The following TBC1D32 variants were observed in gnomAD, a reference collection of about 807,000 sequenced individuals.
The protein encoded by TBC1D32 is TBC1 domain family member 32, also known as protein broad-minded.
In TBC1D32, 151 loss-of-function variants were observed where a neutral mutation model predicts 170.3. That is an observed-to-expected ratio of 0.89 (90% CI 0.78 to 1.01). The LOEUF (loss-of-function observed/expected upper bound fraction) is 1.01, where lower values mean the gene tolerates loss of function less well. Among genes scored for constraint, TBC1D32 ranks in the 50% least tolerant of loss-of-function variants. TBC1D32 has a pLI of 0.00. For missense variants in TBC1D32, 1,464 were observed against 1,457.1 expected, an observed-to-expected ratio of 1.00 and a Z score of -0.08; for synonymous variants, 498 against 488.0, an observed-to-expected ratio of 1.02 and a Z score of -0.27.
chr6:121,224,781 A>AAT (rs151198905), intron 20 of TBC1D32, among the ~76,000 whole-genome samples: 2,108 of 152,192 alleles, frequency 0.014, 42 homozygotes, highest in African/African-American at 0.047. Flanking sequence ...CTACATAATG[A>AAT]ATATATTTAA....
At chr6:121,179,405 A>G (rs1235386940) in intron 22 of TBC1D32, among the ~76,000 whole-genome samples, 2 of 151,732 alleles carry the variant, frequency 1.3e-5, no homozygotes, top group African/African-American at 4.8e-5. Context: ...ACCAGCAATA[A>G]CCAATGAAGC....
intron 22 of TBC1D32, among the ~76,000 whole-genome samples, chr6:121,197,025 C>G (rs1790821363): frequency 6.6e-6 from 1 of 152,148 alleles, no homozygotes; most frequent in Non-Finnish European, 1.5e-5. Flanking sequence ...AACAATGATT[C>G]CATTAAACTG....
intron 22 of TBC1D32, chr6:121,170,445 C>T (rs1470108894): frequency 1.9e-6 from 3 of 1,606,612 alleles, no homozygotes; most frequent in Non-Finnish European, 2.5e-6. Flanking sequence ...TCTTCTTGAG[C>T]ATTTAGTAAC....
chr6:121,279,134 A>G lies in TBC1D32; in HGVS notation c.1720T>C (p.Ser574Pro), dbSNP rs1490213828. The change falls in exon 15 of 32, where the codon TCT (serine) becomes CCT (proline). Residue 574 changes from serine (S) to proline (P), a missense_variant. Transcript: ENST00000398212. ...ILLLYGANMN[S>P]SEESPTGAHI... is the part of the protein sequence containing the mutation. ...AATAGCACATACCTTTCTTCAGAAG[A>G]GTTCATATTTGCTCCATAAAGGAGT... 1.9e-6 allele frequency: 3 copies of G among 1,597,540 alleles called. No homozygotes were observed. The African/African-American group carries it at 4.1e-5, about 22-fold the overall frequency.
At chr6:121,142,561 G>A (rs1006360696) in intron 24 of TBC1D32, among the ~76,000 whole-genome samples, 5 of 152,180 alleles carry the variant, frequency 3.3e-5, no homozygotes, top group Non-Finnish European at 7.3e-5. Context: ...GTATTTTTAA[G>A]TAATAAAATG....
chr6:121,302,742 A>G (rs1806683605), intron 9 of TBC1D32, among the ~76,000 whole-genome samples: 1 of 152,170 alleles, frequency 6.6e-6, no homozygotes, highest in Non-Finnish European at 1.5e-5. Context: ...AGATGTAAGG[A>G]ACAAAGGGTT....
chr6:121,260,273 T>C (rs964307351), intron 15 of TBC1D32, among the ~76,000 whole-genome samples: 2 of 151,708 alleles, frequency 1.3e-5, no homozygotes, highest in Non-Finnish European at 2.9e-5. Flanking sequence ...GAAAGCAATT[T>C]AGAAGGAAAA....
At chr6:121,289,615 C>T (rs1387505433) in intron 12 of TBC1D32, among the ~76,000 whole-genome samples, 2 of 152,164 alleles carry the variant, frequency 1.3e-5, no homozygotes, top group Non-Finnish European at 2.9e-5. Context: ...ATTAAGCTAC[C>T]AATGACTTTC....
intron 1 of TBC1D32, among the ~76,000 whole-genome samples, chr6:121,323,451 C>T (rs1810027466): frequency 6.6e-6 from 1 of 152,182 alleles, no homozygotes; most frequent in Non-Finnish European, 1.5e-5. Context: ...GTCATGCATG[C>T]ACATAATGCC....
chr6:121,195,631 C>A (rs373824119), intron 22 of TBC1D32, among the ~76,000 whole-genome samples: 1 of 152,154 alleles, frequency 6.6e-6, no homozygotes, highest in East Asian at 1.9e-4. Flanking sequence ...GACTCAAATG[C>A]CCTTAATTTC....
At chr6:121,233,801 T>C (rs1263004329) in intron 20 of TBC1D32, among the ~76,000 whole-genome samples, 1 of 152,170 alleles carries the variant, frequency 6.6e-6, no homozygotes, top group Admixed American at 6.5e-5. Flanking sequence ...TTTTGTTAGA[T>C]AGGTGCTGTG....
chr6:121,159,698 T>C (rs1272261397), intron 24 of TBC1D32, among the ~76,000 whole-genome samples: 1 of 152,114 alleles, frequency 6.6e-6, no homozygotes, highest in Non-Finnish European at 1.5e-5. Flanking sequence ...CTGTAGGCAA[T>C]TATAGCACAA....
chr6:121,256,700 TG>T (rs1162996831), intron 15 of TBC1D32, among the ~76,000 whole-genome samples: 1 of 151,426 alleles, frequency 6.6e-6, no homozygotes, highest in Non-Finnish European at 1.5e-5. Flanking sequence ...TTTTTTGAGA[TG>T]GAGTGTCCTC....
intron 20 of TBC1D32, among the ~76,000 whole-genome samples, chr6:121,235,264 G>A (rs1208453019): frequency 1.2e-4 from 18 of 152,168 alleles, no homozygotes; most frequent in Non-Finnish European, 2.4e-4. Flanking sequence ...GGGACACCTG[G>A]TTAAGCATTC....
chr6:121,274,917 A>C (rs1177870709), intron 15 of TBC1D32, among the ~76,000 whole-genome samples: 1 of 152,178 alleles, frequency 6.6e-6, no homozygotes, highest in Non-Finnish European at 1.5e-5. Flanking sequence ...AAACATGTAG[A>C]TGGCTTAGCA....
At chr6:121,248,543 T>A (rs1235339643) in intron 17 of TBC1D32, among the ~76,000 whole-genome samples, 5 of 151,706 alleles carry the variant, frequency 3.3e-5, no homozygotes, top group Non-Finnish European at 7.4e-5. Flanking sequence ...TCTGAAAAGA[T>A]AAAACTGATA....
chr6:121,081,205 CAA>C (rs1476638049), intron 31 of TBC1D32, among the ~76,000 whole-genome samples: 1 of 152,072 alleles, frequency 6.6e-6, no homozygotes, highest in Non-Finnish European at 1.5e-5. Context: ...AATGATTGTT[CAA>C]ATTTGTAATT....
In TBC1D32 at chr6:121,317,587, G is replaced by A. The variant is rs1035333816; in HGVS notation, c.403C>T (p.Arg135Ter). 7 of 1,611,888 alleles carry A rather than the reference G, an allele frequency of 4.3e-6. No homozygotes were observed. Among genetic ancestry groups the A allele is most frequent in the South Asian group, 2.2e-5 (2 of 90,898 alleles). ...MINKFEEDET[R>*]NQERQKKIQK... is the part of the protein sequence containing the mutation. ...ATTTTTTTCTGCCTTTCTTGATTTC[G>A]TGTCTCATCTTCTTCAAACTTGTTA... is the stretch of plus-strand genomic sequence containing the variant. The change falls in exon 3 of 32, where the codon CGA becomes TGA. Residue 135 changes from arginine (R) to a stop codon, truncating the protein, a stop_gained. Transcript: ENST00000398212. LOFTEE classifies it high-confidence loss of function.
At chr6:121,211,016 C>A (rs942328293) in intron 21 of TBC1D32, among the ~76,000 whole-genome samples, 3 of 152,026 alleles carry the variant, frequency 2.0e-5, no homozygotes, top group Non-Finnish European at 2.9e-5. Context: ...CTGGCAAGTA[C>A]AATATAAGCC....
Sources: allele counts gnomAD v4.1 joint callset (sites outside exome capture counted in the v4.1 genomes callset), GRCh38; gene constraint gnomAD v4.1.1; transcripts MANE v1.5; gene names NCBI Gene and HGNC (gene_info 2026-07-23, HGNC 2026-07-21).